The following MCFD2 variants were observed in gnomAD, a reference collection of about 807,000 sequenced individuals.
MCFD2 encodes multiple coagulation factor deficiency 2, ER cargo receptor complex subunit.
MCFD2 carries 11 observed loss-of-function variants against 12.8 expected under a neutral mutation model. That is an observed-to-expected ratio of 0.86 (90% CI 0.54 to 1.42). The LOEUF (loss-of-function observed/expected upper bound fraction) is 1.42, where lower values mean the gene tolerates loss of function less well. Ranked by LOEUF, MCFD2 falls within the 40% of genes most tolerant of loss-of-function variation. MCFD2 has a pLI of 0.00. For synonymous variants in MCFD2, 70 were observed against 68.1 expected, an observed-to-expected ratio of 1.03 and a Z score of -0.14; for missense variants, 191 against 178.6, an observed-to-expected ratio of 1.07 and a Z score of -0.40.
At chr2:46,933,783 T>C (rs1420182060) in intron 1 of MCFD2, among the ~76,000 whole-genome samples, 5 of 152,194 alleles carry the variant, frequency 3.3e-5, no homozygotes, top group African/African-American at 1.2e-4. Context: ...GAAGCAAATG[T>C]TTAATTTATA....
intron 1 of MCFD2, among the ~76,000 whole-genome samples, chr2:46,938,412 G>C (rs1179280403): frequency 6.6e-6 from 1 of 151,294 alleles, no homozygotes; most frequent in African/African-American, 2.4e-5. Flanking sequence ...ACTTCCCTTT[G>C]CCACAGCCTA....
upstream of MCFD2, chr2:46,917,258 A>G (rs1423497322): frequency 4.3e-6 from 3 of 698,850 alleles, no homozygotes; most frequent in Admixed American, 2.0e-5. Flanking sequence ...TCCGCCTCCC[A>G]AAGTGCTGGG....
At chr2:46,930,375 C>G (rs1336014503) in intron 1 of MCFD2, among the ~76,000 whole-genome samples, 1 of 146,172 alleles carries the variant, frequency 6.8e-6, no homozygotes, top group African/African-American at 2.5e-5. Flanking sequence ...AAAAGATAAG[C>G]AGATTTTATA....
Position 46,909,499 on chromosome 2 carries a change from CAA to C in MCFD2, c.-6-324_-6-323del, listed in dbSNP as rs79572152. Among the ~76,000 whole-genome samples, 18,565 of 152,120 alleles carry C rather than the reference CAA, an allele frequency of 0.12. 1,622 individuals carry two copies. The highest frequency in any genetic ancestry group is 0.24 in the African/African-American group (10,063 of 41,444). On this transcript the variant is annotated intron_variant, in intron 1 of 3. Coordinates refer to ENST00000319466, the MANE Select transcript of MCFD2 (RefSeq NM_139279.6). ...GTCCCCTGAAAGAAATATTTTCTAT[CAA>C]GAGCACCAGGAAAGGCAGCCAGCAA...
chr2:46,933,351 T>C (rs73926966), intron 1 of MCFD2, among the ~76,000 whole-genome samples: 8,403 of 152,208 alleles, frequency 0.055, 374 homozygotes, highest in African/African-American at 0.11. Flanking sequence ...TGTGGGAAAA[T>C]CTTCAACATT....
rs1252099331 is a variant in MCFD2 at position 46,908,869 on chromosome 2, A to C, written c.149+154T>G. On this transcript the variant is annotated intron_variant, in intron 2 of 3. Transcript: ENST00000319466. The surrounding 1 kb of genome is among the most constrained non-coding windows in gnomAD (Gnocchi z 4.5). ...ATGATGAAAAAAGAATACCTGACTTATAGGTGGCAATAAGGAATAAGAATC... is the reference window on the plus strand; with the variant it reads ...ATGATGAAAAAAGAATACCTGACTTCTAGGTGGCAATAAGGAATAAGAATC... 6.1e-6 allele frequency: 6 copies of C among 981,008 alleles called. No homozygotes were observed. The highest frequency in any genetic ancestry group is 9.5e-6 in the Non-Finnish European group (6 of 629,710). The allele number at this position is 981,008 out of a possible 1,614,324, so 60.8% of individuals were successfully genotyped here.
upstream of MCFD2, chr2:46,917,233 A>G (rs1388185304): frequency 1.4e-6 from 1 of 695,414 alleles, no homozygotes; most frequent in Non-Finnish European, 2.6e-6. Context: ...GGGTTCAAGC[A>G]ATCCTCCCAC....
chr2:46,941,680 A>G lies in MCFD2; in HGVS notation c.-116T>C. The G allele has an allele frequency of 6.4e-7, 1 of 1,551,686 alleles. No individual in the cohort carries two copies. Among genetic ancestry groups the G allele is most frequent in the Admixed American group, 2.0e-5 (1 of 51,144 alleles). ...GCTGAGCATGCCCGGCGGCGGAGGT[A>G]ACAGGCGAGGCAGCCCGAGCGCAGC... On this transcript the variant is annotated 5_prime_UTR_variant, in exon 1 of 3. Coordinates refer to the MCFD2 transcript ENST00000409147. This position sits in a 1 kb window ranked among gnomAD's most constrained non-coding sequence, Gnocchi z 4.2.
At chr2:46,927,393 G>C (rs927621691) in intron 1 of MCFD2, among the ~76,000 whole-genome samples, 10 of 136,768 alleles carry the variant, frequency 7.3e-5, no homozygotes, top group Non-Finnish European at 1.4e-4. Flanking sequence ...GTCTCGTTCT[G>C]TTGCCCAGGC....
intron 1 of MCFD2, chr2:46,913,697 T>C (rs565585399): frequency 7.5e-4 from 114 of 152,478 alleles, no homozygotes; most frequent in African/African-American, 2.5e-3. Context: ...GCACAACCCA[T>C]ACCTTGAGAC....
intron 3 of MCFD2, among the ~76,000 whole-genome samples, chr2:46,906,475 ATTTTTTTTTTTTT>A (rs70940646): frequency 2.2e-5 from 2 of 91,702 alleles, no homozygotes; most frequent in African/African-American, 9.1e-5. Context: ...AGGCACGAGG[ATTTTTTTTTTTTT>A]TTTTTTTTTT....
chr2:46,917,790 C>T (rs1357676465), upstream of MCFD2, among the ~76,000 whole-genome samples: 1 of 152,204 alleles, frequency 6.6e-6, no homozygotes, highest in East Asian at 1.9e-4. Flanking sequence ...TACTTGCCCT[C>T]TCAACACTGT....
intron 1 of MCFD2, among the ~76,000 whole-genome samples, chr2:46,933,684 A>G (rs1022733118): frequency 2.0e-5 from 3 of 152,266 alleles, no homozygotes; most frequent in Admixed American, 1.3e-4. Flanking sequence ...AGCCATGCAC[A>G]TGACTACATA....
chr2:46,919,860 C>T (rs1475300142), upstream of MCFD2, among the ~76,000 whole-genome samples: 2 of 152,234 alleles, frequency 1.3e-5, no homozygotes, highest in South Asian at 4.1e-4. Context: ...CTCTATCACC[C>T]TTGCATTGGA....
At chr2:46,938,613 T>C (rs1027556363) in intron 1 of MCFD2, among the ~76,000 whole-genome samples, 2 of 152,216 alleles carry the variant, frequency 1.3e-5, no homozygotes, top group African/African-American at 4.8e-5. Flanking sequence ...AATTTGGATA[T>C]TGATTTATCA....
chr2:46,912,600 C>T (rs1389271397), intron 1 of MCFD2: 4 of 152,214 alleles, frequency 2.6e-5, no homozygotes, highest in Admixed American at 2.0e-4. Flanking sequence ...TGTAGGTATT[C>T]GTCCTGCAGG....
intron 1 of MCFD2, among the ~76,000 whole-genome samples, chr2:46,938,005 G>T (rs1670065615): frequency 6.6e-6 from 1 of 152,120 alleles, no homozygotes; most frequent in South Asian, 2.1e-4. Context: ...TTCTGGAGTA[G>T]ATCTTGAAGC....
intron 1 of MCFD2, among the ~76,000 whole-genome samples, chr2:46,915,215 G>A (rs1238378122): frequency 1.3e-5 from 2 of 152,250 alleles, no homozygotes; most frequent in Admixed American, 6.5e-5. Flanking sequence ...CAAGGGATTC[G>A]ATGTGGGTGG....
rs1670265891 is a variant in MCFD2, at chr2:46,940,813, A to C, written c.-8+759T>G. Among the ~76,000 whole-genome samples, 1 of 152,114 alleles carries C rather than the reference A, an allele frequency of 6.6e-6. No homozygotes were observed. The highest frequency in any genetic ancestry group is 2.4e-5 in the African/African-American group (1 of 41,438). The stretch of plus-strand genomic sequence containing the variant: ...AGGGCGGGGCGGACAGCGGCAGGCC[A>C]GCTCCCGGGAGGCTCGCCGTCGGGG... On this transcript the variant is annotated intron_variant, in intron 1 of 2. Transcript: ENST00000409147. This position sits in a 1 kb window ranked among gnomAD's most constrained non-coding sequence, Gnocchi z 4.7.
Sources: gnomAD v4.1 joint callset for allele counts (sites outside exome capture counted in the v4.1 genomes callset) on GRCh38, gnomAD v4.1.1 for gene constraint, Gnocchi (gnomAD v3.1) non-coding constraint, MANE v1.5 for transcripts, NCBI Gene and HGNC (gene_info 2026-07-23, HGNC 2026-07-21) for gene names.